The following CDH18 variants were observed in gnomAD, a reference collection of about 807,000 sequenced individuals.
The protein encoded by CDH18 is cadherin 18.
Under a neutral mutation model 67.9 loss-of-function variants are expected in CDH18, and 31 were observed. The ratio of observed to expected loss-of-function variants is 0.46; its 90% confidence interval spans 0.34 to 0.62. The LOEUF (loss-of-function observed/expected upper bound fraction) is 0.62, where lower values mean the gene tolerates loss of function less well. CDH18 is among the 20% of genes least tolerant of loss of function. The pLI is 0.01. For synonymous variants in CDH18, 362 were observed against 347.2 expected (o/e 1.04, Z -0.48); for missense variants, 890 against 975.5 (o/e 0.91, Z 1.17).
intron 11 of CDH18, among the ~76,000 whole-genome samples, chr5:19,491,423 T>C (rs1741447491): frequency 6.6e-6 from 1 of 152,176 alleles, no homozygotes; most frequent in Non-Finnish European, 1.5e-5. Context: ...CAGCTGTGAG[T>C]TCTTGTTTGA....
At chr5:20,160,185 T>C (rs1751864439) in intron 2 of CDH18, among the ~76,000 whole-genome samples, 1 of 152,230 alleles carries the variant, frequency 6.6e-6, no homozygotes, top group Non-Finnish European at 1.5e-5. Flanking sequence ...TTCAGTTACA[T>C]ACTAATACTT....
At chr5:19,603,556 T>C (rs2150074510) in intron 6 of CDH18, among the ~76,000 whole-genome samples, 1 of 151,880 alleles carries the variant, frequency 6.6e-6, no homozygotes, top group South Asian at 2.1e-4. Flanking sequence ...AAAATCAAAA[T>C]GAGAACAACT....
intron 3 of CDH18, among the ~76,000 whole-genome samples, chr5:19,759,361 T>G (rs1183215705): frequency 6.6e-6 from 1 of 152,186 alleles, no homozygotes; most frequent in Non-Finnish European, 1.5e-5. Context: ...TTCTTCGATT[T>G]ACTATTTTTA....
chr5:20,265,476 G>T (rs1205245863), intron 1 of CDH18, among the ~76,000 whole-genome samples: 2 of 151,800 alleles, frequency 1.3e-5, no homozygotes, highest in African/African-American at 4.8e-5. Flanking sequence ...CAAAATAAAA[G>T]TTCCAGTTTA....
chr5:19,978,505 C>T (rs148123140), intron 2 of CDH18, among the ~76,000 whole-genome samples: 30 of 152,056 alleles, frequency 2.0e-4, no homozygotes, highest in African/African-American at 6.8e-4. Flanking sequence ...TTTCCCATTG[C>T]CAGAAAGCAC....
At chr5:19,481,784 CCT>C (rs1196331950) in intron 12 of CDH18, among the ~76,000 whole-genome samples, 1 of 152,134 alleles carries the variant, frequency 6.6e-6, no homozygotes, top group Non-Finnish European at 1.5e-5. Context: ...TTCAAGAATA[CCT>C]CTTTCTCAGA....
chr5:20,539,696 T>C (rs936612465), intron 1 of CDH18, among the ~76,000 whole-genome samples: 3 of 151,600 alleles, frequency 2.0e-5, no homozygotes, highest in Admixed American at 6.6e-5. Flanking sequence ...AAAAACTGGG[T>C]AATGCATATT....
chr5:20,334,158 G>C (rs1184062128), intron 1 of CDH18, among the ~76,000 whole-genome samples: 1 of 109,194 alleles, frequency 9.2e-6, no homozygotes, highest in Non-Finnish European at 1.7e-5. Context: ...TTTTTGAGAC[G>C]GAGTCTCGCT....
intron 1 of CDH18, among the ~76,000 whole-genome samples, chr5:20,398,349 A>G (rs959350662): frequency 1.3e-5 from 2 of 152,192 alleles, no homozygotes; most frequent in Non-Finnish European, 2.9e-5. Context: ...TAGTTTCATT[A>G]TCACTAAATT....
chr5:19,683,531 A>C (rs1363172824), intron 5 of CDH18, among the ~76,000 whole-genome samples: 1 of 152,048 alleles, frequency 6.6e-6, no homozygotes, highest in African/African-American at 2.4e-5. Context: ...AAGATGTTAG[A>C]TTGTTTTAAA....
In CDH18 at chr5:19,571,608, T is replaced by C; in HGVS notation, c.1224A>G (p.Gln408=). The C allele has an allele frequency of 1.2e-6, 2 of 1,614,046 alleles. No individual in the cohort carries two copies. The highest frequency in any genetic ancestry group is 4.5e-5 in the East Asian group (2 of 44,860). The change falls in exon 8 of 13, where the codon CAA becomes CAG. Residue 408 remains glutamine (Q), a synonymous_variant. Coordinates refer to ENST00000382275, the MANE Select transcript of CDH18 (RefSeq NM_004934.5). ...CTAAGCTGTTAGTACTGTCAGGATC[T>C]TGTGCCAAAACTGTACCAACGACGG... The part of the protein sequence containing the change: ...IGTVVGTVLA[Q]DPDSTNSLVR...
At chr5:19,892,319 C>A (rs568893305) in intron 2 of CDH18, among the ~76,000 whole-genome samples, 30 of 152,112 alleles carry the variant, frequency 2.0e-4, no homozygotes, top group African/African-American at 6.7e-4. Context: ...ATATATGATA[C>A]TCATTACTTT....
chr5:19,531,699 G>A (rs929563662), intron 9 of CDH18, among the ~76,000 whole-genome samples: 1 of 151,986 alleles, frequency 6.6e-6, no homozygotes, highest in African/African-American at 2.4e-5. Context: ...AGGGAGGCTG[G>A]CGTGGGTGGA....
At chr5:20,325,382 T>C (rs1738465886) in intron 1 of CDH18, among the ~76,000 whole-genome samples, 1 of 152,160 alleles carries the variant, frequency 6.6e-6, no homozygotes, top group African/African-American at 2.4e-5. Context: ...TAAGACAATG[T>C]CTCCTTTTTC....
At chr5:20,007,672 A>AGTGTGG (rs1737020844) in intron 2 of CDH18, among the ~76,000 whole-genome samples, 1 of 140,156 alleles carries the variant, frequency 7.1e-6, no homozygotes, top group Non-Finnish European at 1.6e-5. Context: ...GTGTGTGGAA[A>AGTGTGG]GTGTGTGTGT....
chr5:20,335,552 T>C (rs1389246627), intron 1 of CDH18, among the ~76,000 whole-genome samples: 1 of 152,194 alleles, frequency 6.6e-6, no homozygotes, highest in Non-Finnish European at 1.5e-5. Flanking sequence ...TCTGAGACTT[T>C]CACTATCCTA....
intron 1 of CDH18, among the ~76,000 whole-genome samples, chr5:20,294,414 C>A (rs570363773): frequency 6.6e-6 from 1 of 152,084 alleles, no homozygotes; most frequent in Non-Finnish European, 1.5e-5. Flanking sequence ...TTTGTTAATG[C>A]GATTGGTGGG....
chr5:20,014,716 A>G (rs1426271901), intron 2 of CDH18, among the ~76,000 whole-genome samples: 1 of 152,196 alleles, frequency 6.6e-6, no homozygotes, highest in Admixed American at 6.5e-5. Context: ...GAACATAAGT[A>G]GAAGTGTGAA....
intron 5 of CDH18, among the ~76,000 whole-genome samples, chr5:19,700,557 T>C (rs1178308484): frequency 6.6e-6 from 1 of 152,210 alleles, no homozygotes; most frequent in Admixed American, 6.5e-5. Context: ...GCACAGTTTC[T>C]ATACAGAGAA....
Sources: gnomAD v4.1 joint callset for allele counts (sites outside exome capture counted in the v4.1 genomes callset) on GRCh38, gnomAD v4.1.1 for gene constraint, MANE v1.5 for transcripts, NCBI Gene and HGNC (gene_info 2026-07-23, HGNC 2026-07-21) for gene names.